Variants in PIK3R5 observed in about 807,000 individuals in gnomAD.
PIK3R5 encodes the protein phosphoinositide-3-kinase regulatory subunit 5, also known as phosphoinositide 3-kinase regulatory subunit 5.
Under a neutral mutation model 94.9 loss-of-function variants are expected in PIK3R5, and 32 were observed. The ratio of observed to expected loss-of-function variants is 0.34; its 90% CI spans 0.25 to 0.45. The LOEUF is 0.45. Among genes scored for constraint, PIK3R5 ranks in the 20% least tolerant of loss-of-function variants. The pLI is 1.00. For synonymous variants in PIK3R5, 443 were observed against 479.4 expected, an observed-to-expected ratio of 0.92 and a Z score of 0.99; for missense variants, 853 against 1,144.6, an observed-to-expected ratio of 0.75 and a Z score of 3.68.
intron 1 of PIK3R5, among the ~76,000 whole-genome samples, chr17:8,928,165 A>C (rs974173684): frequency 6.6e-6 from 1 of 152,214 alleles, no homozygotes; most frequent in African/African-American, 2.4e-5. Context: ...AATGTCAGAC[A>C]AAAGGTCTAA....
At chr17:8,920,883 C>T (rs1187346890) in intron 1 of PIK3R5, among the ~76,000 whole-genome samples, 1 of 148,662 alleles carries the variant, frequency 6.7e-6, no homozygotes, top group Non-Finnish European at 1.5e-5. Context: ...CTCTAGTTGC[C>T]CAGGCTGGAG....
chr17:8,942,762 C>A (rs996834791), intron 1 of PIK3R5, among the ~76,000 whole-genome samples: 1 of 151,968 alleles, frequency 6.6e-6, no homozygotes, highest in East Asian at 1.9e-4. Flanking sequence ...TCCGCCACCA[C>A]GCCCGGCTAA....
Position 8,909,290 on chromosome 17 carries a change from A to C in PIK3R5, c.104-116T>G, listed in dbSNP as rs2090471219. 1 of 642,854 alleles carries C rather than the reference A, an allele frequency of 1.6e-6. No individual in the cohort carries two copies. Among genetic ancestry groups the C allele is most frequent in the South Asian group, 1.8e-5 (1 of 54,984 alleles). The allele number at this position is 642,854 out of a possible 1,614,324, so 39.8% of individuals were successfully genotyped here. A position where few individuals can be genotyped will look rare whatever the true frequency, so the allele number is the denominator to read the frequency against. On this transcript the variant is annotated intron_variant, in intron 2 of 18. Transcript: ENST00000447110. The surrounding 1 kb of genome is among the most constrained non-coding windows in gnomAD (Gnocchi z 4.3). Reference sequence around the variant, plus strand: ...ACATTTTTCTGTGGTATTGCACTGGAACACTCTTTTTTTTTTTTGAGACAG... The same window carrying C: ...ACATTTTTCTGTGGTATTGCACTGGCACACTCTTTTTTTTTTTTGAGACAG...
intron 5 of PIK3R5, among the ~76,000 whole-genome samples, chr17:8,902,026 C>A (rs1042201664): frequency 1.3e-5 from 2 of 152,038 alleles, no homozygotes; most frequent in South Asian, 4.2e-4. Flanking sequence ...TCCTCACCAG[C>A]GCTGGCATTT....
intron 1 of PIK3R5, among the ~76,000 whole-genome samples, chr17:8,951,168 A>T (rs1030466266): frequency 3.9e-5 from 6 of 152,024 alleles, no homozygotes; most frequent in Non-Finnish European, 8.8e-5. Flanking sequence ...TGGCTTGTTG[A>T]TTTGTTTAAG....
intron 1 of PIK3R5, among the ~76,000 whole-genome samples, chr17:8,917,759 G>A (rs890452309): frequency 2.0e-5 from 3 of 152,068 alleles, no homozygotes; most frequent in East Asian, 1.9e-4. Context: ...CCAGCTACTC[G>A]GGTGGCTGAG....
In PIK3R5 at chr17:8,925,550, G is replaced by GGATA. The variant is rs1051939470; in HGVS notation, c.-13-14047_-13-14044dup. 9.9e-5 allele frequency among the ~76,000 whole-genome samples: 15 copies of GGATA among 152,148 alleles called. No individual in the cohort carries two copies. Among genetic ancestry groups the GGATA allele is most frequent in the Middle Eastern group, 3.4e-3 (1 of 294 alleles). ...GATAGATAGTAGATAGATAGTAGAT[G>GGATA]GATAGATAGATAGATAGAGAAAAAA... On this transcript the variant is annotated intron_variant, in intron 1 of 18. Transcript: ENST00000447110. The surrounding 1 kb of genome is among the most constrained non-coding windows in gnomAD (Gnocchi z 5.1).
intron 3 of PIK3R5, among the ~76,000 whole-genome samples, chr17:8,906,965 G>C (rs1421557316): frequency 2.6e-5 from 4 of 152,044 alleles, no homozygotes; most frequent in Non-Finnish European, 4.4e-5. Flanking sequence ...TATGCCCTTG[G>C]ATAATATCCA....
intron 5 of PIK3R5, among the ~76,000 whole-genome samples, chr17:8,897,427 T>G (rs2090176278): frequency 6.6e-6 from 1 of 152,212 alleles, no homozygotes. Flanking sequence ...ACAGGTGCAG[T>G]GACCCCACGG....
At chr17:8,953,051 T>G (rs1386845312) in intron 1 of PIK3R5, among the ~76,000 whole-genome samples, 3 of 152,196 alleles carry the variant, frequency 2.0e-5, no homozygotes, top group Admixed American at 2.0e-4. Context: ...AGTGCTGGAC[T>G]GTAATAGCAC....
At position 8,889,275 on chromosome 17, in the gene PIK3R5, T is replaced by A. The variant is rs2089963980; in HGVS notation, c.812-53A>T. On this transcript the variant is annotated intron_variant, in intron 8 of 18. Transcript: ENST00000447110. The surrounding 1 kb of genome is among the most constrained non-coding windows in gnomAD (Gnocchi z 4.1). ...AGGGCTGGGAAGAGGCCTTGGAGAT[T>A]GGCCAGTCCAGTCCCCTTGCCTTGG... 3.6e-6 allele frequency: 5 copies of A among 1,382,164 alleles called. No individual in the cohort carries two copies. The highest frequency in any genetic ancestry group is 5.1e-6 in the Non-Finnish European group (5 of 983,180). The allele number at this position is 1,382,164 out of a possible 1,614,324, so 85.6% of individuals were successfully genotyped here. A position where few individuals can be genotyped will look rare whatever the true frequency, so the allele number is the denominator to read the frequency against.
At chr17:8,961,275 GGA>G (rs1458725416) in intron 1 of PIK3R5, among the ~76,000 whole-genome samples, 3 of 152,180 alleles carry the variant, frequency 2.0e-5, no homozygotes, top group Non-Finnish European at 4.4e-5. Context: ...GGTGGACCTG[GGA>G]TGGGTGGTGG....
intron 1 of PIK3R5, among the ~76,000 whole-genome samples, chr17:8,919,357 C>T (rs570495941): frequency 6.6e-6 from 1 of 152,270 alleles, no homozygotes; most frequent in African/African-American, 2.4e-5. Flanking sequence ...TCTTTCCAGG[C>T]AGTTATCAAA....
chr17:8,890,258 A>T lies in PIK3R5; in HGVS notation c.658-132T>A, dbSNP rs61759654. ...CAGCCTCATCACCCATCTCCTACCC[A>T]CAGCTGGCCAGGCAGCCAGGCCTCT... On this transcript the variant is annotated intron_variant, in intron 7 of 18. Coordinates refer to ENST00000447110, the MANE Select transcript of PIK3R5 (RefSeq NM_001142633.3). This position sits in a 1 kb window ranked among gnomAD's most constrained non-coding sequence, Gnocchi z 6.1. 19 of 906,780 alleles carry T rather than the reference A, an allele frequency of 2.1e-5. No individual in the cohort carries two copies. The highest frequency in any genetic ancestry group is 3.0e-5 in the Non-Finnish European group (18 of 596,174). The allele number at this position is 906,780 out of a possible 1,614,324, so 56.2% of individuals were successfully genotyped here. A position where few individuals can be genotyped will look rare whatever the true frequency, so the allele number is the denominator to read the frequency against.
At chr17:8,937,694 G>GT (rs898206880) in intron 1 of PIK3R5, among the ~76,000 whole-genome samples, 13 of 152,078 alleles carry the variant, frequency 8.5e-5, no homozygotes, top group Non-Finnish European at 4.4e-5. Context: ...TGTAGTTTTC[G>GT]TTTTTTGTAA....
intron 1 of PIK3R5, among the ~76,000 whole-genome samples, chr17:8,938,007 C>T (rs1188751379): frequency 6.6e-6 from 1 of 152,142 alleles, no homozygotes; most frequent in Non-Finnish European, 1.5e-5. Context: ...GACGGGGTTT[C>T]ACCATGTTGG....
In PIK3R5 at chr17:8,886,675, T is replaced by G. The variant is rs2089866990; in HGVS notation, c.1906-70A>C. The G allele has an allele frequency of 3.4e-6, 5 of 1,489,924 alleles. No homozygotes were observed. The East Asian group carries it at 1.1e-4, about 34-fold the overall frequency. 92.3% of individuals were successfully genotyped at this position (1,489,924 alleles called of 1,614,324 possible). ...ATAGATGGTAAGAAGGAGCAAGAAT[T>G]AGGGAGGAAGAGAGAAGAGAGACAT... On this transcript the variant is annotated intron_variant, in intron 12 of 18. Coordinates refer to ENST00000447110, the MANE Select transcript of PIK3R5 (RefSeq NM_001142633.3).
chr17:8,895,767 G>A (rs990196565), intron 5 of PIK3R5, among the ~76,000 whole-genome samples: 3 of 152,148 alleles, frequency 2.0e-5, no homozygotes, highest in African/African-American at 7.2e-5. Context: ...TATGTGTCCC[G>A]TTGCTTTAAT....
At chr17:8,931,554 G>C (rs1197487830) in intron 1 of PIK3R5, among the ~76,000 whole-genome samples, 1 of 152,204 alleles carries the variant, frequency 6.6e-6, no homozygotes, top group African/African-American at 2.4e-5. Flanking sequence ...TGCAAGCAGA[G>C]TACAGGGGGC....
Sources: gnomAD v4.1 joint callset for allele counts (sites outside exome capture counted in the v4.1 genomes callset) on GRCh38, gnomAD v4.1.1 for gene constraint, Gnocchi (gnomAD v3.1) non-coding constraint, MANE v1.5 for transcripts, NCBI Gene and HGNC (gene_info 2026-07-23, HGNC 2026-07-21) for gene names.